The following TTC7B variants were observed in gnomAD, a reference collection of about 807,000 sequenced individuals.
TTC7B encodes the protein tetratricopeptide repeat protein 7B.
Under a neutral mutation model 106.8 loss-of-function variants are expected in TTC7B, and 28 were observed. That is an observed-to-expected ratio of 0.26 (90% CI 0.19 to 0.36). TTC7B has a LOEUF of 0.36. Among genes scored for constraint, TTC7B ranks in the 10% least tolerant of loss-of-function variants. The pLI, the probability that TTC7B is intolerant of heterozygous loss-of-function variation, is 1.00. For missense variants in TTC7B, 862 were observed against 1,076.4 expected, an observed-to-expected ratio of 0.80 and a Z score of 2.79; for synonymous variants, 405 against 430.6, an observed-to-expected ratio of 0.94 and a Z score of 0.74.
chr14:90,603,287 T>C (rs1393104027), intron 17 of TTC7B: 8 of 1,289,844 alleles, frequency 6.2e-6, no homozygotes, highest in Non-Finnish European at 8.1e-6. Context: ...CATGAAAGTA[T>C]GCTTCTGGAG....
intron 17 of TTC7B, among the ~76,000 whole-genome samples, chr14:90,603,081 G>A (rs1383641641): frequency 6.6e-6 from 1 of 152,196 alleles, no homozygotes; most frequent in Non-Finnish European, 1.5e-5. Context: ...GAATGCATTA[G>A]GATCTCAGGA....
intron 17 of TTC7B, among the ~76,000 whole-genome samples, chr14:90,607,776 C>T (rs761658891): frequency 1.3e-5 from 2 of 152,168 alleles, no homozygotes; most frequent in Non-Finnish European, 2.9e-5. Context: ...GGTATGGAGG[C>T]ATCTTCAGAT....
chr14:90,760,141 G>A (rs1451301919), intron 3 of TTC7B, among the ~76,000 whole-genome samples: 1 of 152,178 alleles, frequency 6.6e-6, no homozygotes, highest in Non-Finnish European at 1.5e-5. Flanking sequence ...GGAGAGGTCT[G>A]TATGCAACAA....
At chr14:90,803,701 C>T (rs903236921) in intron 1 of TTC7B, among the ~76,000 whole-genome samples, 3 of 152,148 alleles carry the variant, frequency 2.0e-5, no homozygotes, top group Admixed American at 2.0e-4. Flanking sequence ...AAGCCTCCCC[C>T]CACATCTACA....
At chr14:90,812,926 C>T (rs114580346) in intron 1 of TTC7B, among the ~76,000 whole-genome samples, 115 of 152,154 alleles carry the variant, frequency 7.6e-4, no homozygotes, top group African/African-American at 1.2e-3. Context: ...GGGGCTGCCA[C>T]GCTTCCTTCC....
At chr14:90,559,096 A>G (rs745370814) in intron 19 of TTC7B, among the ~76,000 whole-genome samples, 3 of 152,256 alleles carry the variant, frequency 2.0e-5, no homozygotes, top group Non-Finnish European at 2.9e-5. Context: ...CAAAACCTCC[A>G]GTCAGCTGTG....
intron 9 of TTC7B, among the ~76,000 whole-genome samples, chr14:90,660,417 A>AGG (rs1555386788): frequency 8.4e-6 from 1 of 119,430 alleles, no homozygotes; most frequent in Non-Finnish European, 1.7e-5. Context: ...AAAAAAAAAA[A>AGG]AAAAGAAAAG....
chr14:90,569,082 C>G (rs1444631580), intron 19 of TTC7B, among the ~76,000 whole-genome samples: 1 of 152,176 alleles, frequency 6.6e-6, no homozygotes, highest in African/African-American at 2.4e-5. Context: ...TCGCTATCAC[C>G]TGCAGCCTCA....
intron 7 of TTC7B, among the ~76,000 whole-genome samples, chr14:90,683,407 G>A (rs946431451): frequency 6.6e-5 from 10 of 152,192 alleles, no homozygotes; most frequent in Non-Finnish European, 1.3e-4. Flanking sequence ...AAGAATGGCT[G>A]AAGTCCCACC....
intron 3 of TTC7B, among the ~76,000 whole-genome samples, chr14:90,747,177 GA>G (rs1889993844): frequency 6.6e-6 from 1 of 152,186 alleles, no homozygotes; most frequent in Non-Finnish European, 1.5e-5. Flanking sequence ...CTATGTGACT[GA>G]CCCCTAACAA....
At chr14:90,651,311 A>G (rs73326878) in intron 13 of TTC7B, among the ~76,000 whole-genome samples, 105 of 152,332 alleles carry the variant, frequency 6.9e-4, no homozygotes, top group African/African-American at 2.5e-3. Context: ...CAATATCATC[A>G]GTTAGGTTAG....
At chr14:90,673,529 AG>A (rs1239934211) in intron 9 of TTC7B, among the ~76,000 whole-genome samples, 2 of 152,214 alleles carry the variant, frequency 1.3e-5, no homozygotes, top group Non-Finnish European at 1.5e-5. Flanking sequence ...CTGACAGTGG[AG>A]GAAATGAAGA....
In TTC7B at chr14:90,780,841, T is replaced by C; in HGVS notation, c.342A>G (p.Lys114=). The C allele has an allele frequency of 6.2e-7, 1 of 1,614,264 alleles. No individual in the cohort carries two copies. Among genetic ancestry groups the C allele is most frequent in the African/African-American group, 1.3e-5 (1 of 75,082 alleles). ...AKLNYVEGDY[K]EALNIYARVG... ...CCCGGGCGTAAATGTTCAGAGCTTCTTTATAATCACCTTCCACATAATTCA... is the reference window on the plus strand; with the variant it reads ...CCCGGGCGTAAATGTTCAGAGCTTCCTTATAATCACCTTCCACATAATTCA... The change falls in exon 3 of 20, where the codon AAA becomes AAG. Residue 114 remains lysine, a synonymous_variant. Transcript: ENST00000328459.
intron 9 of TTC7B, among the ~76,000 whole-genome samples, chr14:90,667,366 T>C (rs1886452449): frequency 1.3e-5 from 2 of 151,798 alleles, no homozygotes; most frequent in Admixed American, 1.3e-4. Flanking sequence ...AGAAGCAGGG[T>C]CGCTGAGCTA....
At chr14:90,654,094 A>G (rs1885845649) in intron 12 of TTC7B, among the ~76,000 whole-genome samples, 1 of 152,210 alleles carries the variant, frequency 6.6e-6, no homozygotes, top group Admixed American at 6.5e-5. Context: ...TGTAAAATAA[A>G]TTACAACAAA....
At chr14:90,763,153 G>A (rs1890555984) in intron 3 of TTC7B, among the ~76,000 whole-genome samples, 1 of 151,584 alleles carries the variant, frequency 6.6e-6, no homozygotes, top group South Asian at 2.1e-4. Context: ...ATTAGCATAT[G>A]GAACCTAGCA....
Position 90,532,488 on chromosome 14 carries a change from C to A in TTC7B, c.*8880G>T, listed in dbSNP as rs1434514299. The A allele has an allele frequency of 6.6e-6, 1 of 152,148 alleles. No individual in the cohort carries two copies. Among genetic ancestry groups the A allele is most frequent in the Admixed American group, 6.5e-5 (1 of 15,272 alleles). 9.4% of individuals were successfully genotyped at this position (152,148 alleles called of 1,614,324 possible). Reference sequence around the variant, plus strand: ...CTGACGCTTTTGGGCTTCTGCTCACCATCCCTCTTAAAGGTGAAGAAGCCC... The same window carrying A: ...CTGACGCTTTTGGGCTTCTGCTCACAATCCCTCTTAAAGGTGAAGAAGCCC... On this transcript the variant is annotated 3_prime_UTR_variant, in exon 20 of 20. Transcript: ENST00000328459.
chr14:90,661,569 G>C (rs1886208293), intron 9 of TTC7B, among the ~76,000 whole-genome samples: 1 of 150,394 alleles, frequency 6.6e-6, no homozygotes, highest in African/African-American at 2.5e-5. Flanking sequence ...AGGAGGAGAT[G>C]AGAATGATCA....
chr14:90,728,572 C>T (rs1158793479), intron 5 of TTC7B, among the ~76,000 whole-genome samples: 1 of 152,064 alleles, frequency 6.6e-6, no homozygotes, highest in Non-Finnish European at 1.5e-5. Context: ...CTAGTGCAAA[C>T]CTCTCATTAT....
Sources: gnomAD v4.1 joint callset for allele counts (sites outside exome capture counted in the v4.1 genomes callset) on GRCh38, gnomAD v4.1.1 for gene constraint, MANE v1.5 for transcripts, NCBI Gene and HGNC (gene_info 2026-07-23, HGNC 2026-07-21) for gene names.